The following DSCAM variants were observed in gnomAD, a reference collection of about 807,000 sequenced individuals.
DSCAM encodes the protein cell adhesion molecule DSCAM.
In DSCAM, 47 loss-of-function variants were observed where a neutral mutation model predicts 217.7. The observed-to-expected ratio is 0.22, with a 90% CI of 0.17 to 0.28. The LOEUF is 0.28. Among genes scored for constraint, DSCAM ranks in the 10% least tolerant of loss-of-function variants. The pLI, the probability that DSCAM is intolerant of heterozygous loss-of-function variation, is 1.00. For missense variants in DSCAM, 2,080 were observed against 2,618.3 expected, an observed-to-expected ratio of 0.79 and a Z score of 4.49; for synonymous variants, 1,056 against 1,015.3, an observed-to-expected ratio of 1.04 and a Z score of -0.76.
At position 40,085,593 on chromosome 21, in the gene DSCAM, A is replaced by G. The variant is rs2089521454; in HGVS notation, c.4132+9T>C. On this transcript the variant is annotated intron_variant, in intron 23 of 32. Transcript: ENST00000400454. ...AGATATCATTAAAAAGAGTCCTCAA[A>G]TGTTGTACCTTGTACTTGTAAGTTT... 1 of 1,514,812 alleles carries G rather than the reference A, an allele frequency of 6.6e-7. No individual in the cohort carries two copies. The highest frequency in any genetic ancestry group is 9.0e-7 in the Non-Finnish European group (1 of 1,116,230). 93.8% of individuals were successfully genotyped at this position (1,514,812 alleles called of 1,614,324 possible).
At chr21:40,369,318 A>G in intron 3 of DSCAM, 73 bp from the exon 4 acceptor site, 1 of 1,493,586 alleles carries the variant, frequency 6.7e-7, no homozygotes, top group Non-Finnish European at 8.9e-7. Flanking sequence ...AAAGTCCTTA[A>G]ACAGTTTTTT....
At chr21:40,630,167 G>A (rs1454866767) in intron 3 of DSCAM, among the ~76,000 whole-genome samples, 1 of 152,146 alleles carries the variant, frequency 6.6e-6, no homozygotes, top group Non-Finnish European at 1.5e-5. Context: ...CACAAAGTAT[G>A]TCTAATATTA....
At chr21:40,672,699 T>C (rs528390204) in intron 3 of DSCAM, among the ~76,000 whole-genome samples, 2 of 152,286 alleles carry the variant, frequency 1.3e-5, no homozygotes, top group East Asian at 1.9e-4. Context: ...CAATTTCTGA[T>C]TGATAACCTT....
chr21:40,550,694 C>A (rs1334713414), intron 3 of DSCAM, among the ~76,000 whole-genome samples: 1 of 152,142 alleles, frequency 6.6e-6, no homozygotes, highest in Non-Finnish European at 1.5e-5. Flanking sequence ...AAACTTTAGA[C>A]AAATTTAACA....
intron 28 of DSCAM, among the ~76,000 whole-genome samples, chr21:40,059,442 A>T (rs1316453264): frequency 6.6e-6 from 1 of 152,184 alleles, no homozygotes; most frequent in Non-Finnish European, 1.5e-5. Context: ...GGTGATGTGC[A>T]TGGGTGAAAC....
chr21:40,497,733 T>C (rs934787082), intron 3 of DSCAM, among the ~76,000 whole-genome samples: 4 of 152,240 alleles, frequency 2.6e-5, no homozygotes, highest in African/African-American at 9.6e-5. Context: ...AATAAATATA[T>C]ATACATTTAT....
At chr21:40,783,610 C>A (rs1015230624) in intron 1 of DSCAM, among the ~76,000 whole-genome samples, 1 of 152,128 alleles carries the variant, frequency 6.6e-6, no homozygotes, top group Admixed American at 6.5e-5. Flanking sequence ...TGTGGAGTCA[C>A]GTGACACATA....
At chr21:40,725,655 C>T (rs778797633) in intron 1 of DSCAM, among the ~76,000 whole-genome samples, 3 of 152,264 alleles carry the variant, frequency 2.0e-5, no homozygotes, top group East Asian at 1.9e-4. Context: ...TAAATGTAAC[C>T]GAAGGCAGAC....
At chr21:40,670,702 G>T (rs1170933304) in intron 3 of DSCAM, among the ~76,000 whole-genome samples, 1 of 152,176 alleles carries the variant, frequency 6.6e-6, no homozygotes, top group Non-Finnish European at 1.5e-5. Flanking sequence ...TCCAGGGAAT[G>T]TTATGTACCA....
chr21:40,752,921 GAAGT>G (rs1468254013), intron 1 of DSCAM, among the ~76,000 whole-genome samples: 17 of 152,160 alleles, frequency 1.1e-4, no homozygotes, highest in Admixed American at 2.0e-4. Context: ...TTGAATGAAT[GAAGT>G]AATAGATGAA....
intron 1 of DSCAM, among the ~76,000 whole-genome samples, chr21:40,815,993 G>A (rs1327772685): frequency 6.6e-6 from 1 of 152,174 alleles, no homozygotes; most frequent in African/African-American, 2.4e-5. Flanking sequence ...CAATGTGGCT[G>A]ACATCCCTGA....
chr21:40,633,719 G>A (rs1421086819), intron 3 of DSCAM, among the ~76,000 whole-genome samples: 1 of 152,198 alleles, frequency 6.6e-6, no homozygotes, highest in African/African-American at 2.4e-5. Flanking sequence ...CAGGACTGTA[G>A]GCTAAGAACT....
intron 3 of DSCAM, among the ~76,000 whole-genome samples, chr21:40,543,374 C>CT (rs2076556688): frequency 1.3e-5 from 2 of 152,238 alleles, no homozygotes; most frequent in African/African-American, 4.8e-5. Flanking sequence ...TCCAGGTGGC[C>CT]TTTAGCTAAG....
chr21:40,600,429 G>C (rs549502085), intron 3 of DSCAM, among the ~76,000 whole-genome samples: 1 of 152,086 alleles, frequency 6.6e-6, no homozygotes, highest in Non-Finnish European at 1.5e-5. Flanking sequence ...TCTCATTCAC[G>C]AGGGCAGAGA....
chr21:40,569,232 C>T (rs457441), intron 3 of DSCAM, among the ~76,000 whole-genome samples: 23,138 of 152,190 alleles, frequency 0.15, 1,875 homozygotes, highest in African/African-American at 0.2. Flanking sequence ...CATACTGTGC[C>T]ACACTGTGGA....
intron 11 of DSCAM, among the ~76,000 whole-genome samples, chr21:40,205,783 A>T (rs1663120236): frequency 6.6e-6 from 1 of 152,146 alleles, no homozygotes; most frequent in South Asian, 2.1e-4. Context: ...CCATATGCAC[A>T]TATAAAACAG....
intron 3 of DSCAM, among the ~76,000 whole-genome samples, chr21:40,435,947 G>A (rs2075578915): frequency 1.3e-5 from 2 of 152,116 alleles, no homozygotes; most frequent in Admixed American, 6.5e-5. Context: ...AGTCAGCCAT[G>A]GAATCAAGAA....
intron 1 of DSCAM, among the ~76,000 whole-genome samples, chr21:40,816,211 C>T (rs561147785): frequency 6.6e-6 from 1 of 152,308 alleles, no homozygotes; most frequent in South Asian, 2.1e-4. Context: ...TGATTTGAAG[C>T]TTGAGCAAAG....
chr21:40,259,860 T>A (rs2073426302), intron 11 of DSCAM, among the ~76,000 whole-genome samples: 1 of 151,594 alleles, frequency 6.6e-6, no homozygotes, highest in Admixed American at 6.6e-5. Context: ...GTCTCCTTTG[T>A]TCGGTGTACT....
Sources: allele counts gnomAD v4.1 joint callset (sites outside exome capture counted in the v4.1 genomes callset), GRCh38; gene constraint gnomAD v4.1.1; transcripts MANE v1.5; gene names NCBI Gene and HGNC (gene_info 2026-07-23, HGNC 2026-07-21).